Variants in SLC5A4 observed in about 807,000 individuals in gnomAD.
SLC5A4 encodes solute carrier family 5 member 4, also known as probable glucose sensor protein SLC5A4.
SLC5A4 carries 55 observed loss-of-function variants against 70.3 expected under a neutral mutation model. That is an observed-to-expected ratio of 0.78 (90% CI 0.63 to 0.98). The LOEUF (loss-of-function observed/expected upper bound fraction) is 0.98. Among genes scored for constraint, SLC5A4 ranks in the 50% least tolerant of loss-of-function variants. SLC5A4 has a pLI of 0.00. For missense variants in SLC5A4, 735 were observed against 839.2 expected (o/e 0.88, Z 1.53); for synonymous variants, 268 against 305.7 (o/e 0.88, Z 1.29).
chr22:32,293,458 T>C, the SLC5A4 span, among the ~76,000 whole-genome samples: 4 of 152,148 alleles, frequency 2.6e-5, no homozygotes, highest in African/African-American at 9.6e-5. Flanking sequence ...TTTACTGTTA[T>C]TGCAACTGTT....
the SLC5A4 span, among the ~76,000 whole-genome samples, chr22:32,344,721 C>A: frequency 6.6e-6 from 1 of 152,062 alleles, no homozygotes; most frequent in East Asian, 1.9e-4. Flanking sequence ...TTTATGGCAA[C>A]TTTTAGAATG....
chr22:32,341,518 C>G, the SLC5A4 span, among the ~76,000 whole-genome samples: 47 of 152,318 alleles, frequency 3.1e-4, no homozygotes, highest in African/African-American at 1.1e-3. Flanking sequence ...CTCCTCCTCC[C>G]CTGGCTGACC....
At chr22:32,325,169 C>T in the SLC5A4 span, among the ~76,000 whole-genome samples, 134 of 152,376 alleles carry the variant, frequency 8.8e-4, no homozygotes, top group African/African-American at 3.0e-3. Flanking sequence ...CGCACTAGGC[C>T]TTCCAATAAG....
chr22:32,272,092 T>C, the SLC5A4 span: 1 of 654,406 alleles, frequency 1.5e-6, no homozygotes, highest in Non-Finnish European at 2.8e-6. Flanking sequence ...AAGTGGGAGC[T>C]TGTGACCAGC....
the SLC5A4 span, among the ~76,000 whole-genome samples, chr22:32,275,680 A>G: frequency 1.3e-5 from 2 of 152,166 alleles, no homozygotes; most frequent in Non-Finnish European, 2.9e-5. Flanking sequence ...ATAAACATAC[A>G]TGTGCATGTG....
At chr22:32,270,318 C>T in the SLC5A4 span, 2 of 957,212 alleles carry the variant, frequency 2.1e-6, no homozygotes, top group Non-Finnish European at 3.4e-6. Flanking sequence ...TGGTTTGCTC[C>T]AGCCACAGGA....
At chr22:32,280,322 GT>G in the SLC5A4 span, among the ~76,000 whole-genome samples, 2 of 152,234 alleles carry the variant, frequency 1.3e-5, no homozygotes, top group East Asian at 3.9e-4. Flanking sequence ...CAGCCCTCCA[GT>G]TTTTGATCCT....
At chr22:32,270,720 T>C in the SLC5A4 span, 1 of 648,120 alleles carries the variant, frequency 1.5e-6, no homozygotes, top group East Asian at 2.9e-5. Flanking sequence ...ACTTCATCCC[T>C]GTGGGCCTGG....
At position 32,234,955 on chromosome 22, in the gene SLC5A4, T is replaced by C; in HGVS notation, c.803A>G (p.Asp268Gly). 1 of 1,613,964 alleles carries C rather than the reference T, an allele frequency of 6.2e-7. No homozygotes were observed. The highest frequency in any genetic ancestry group is 8.5e-7 in the Non-Finnish European group (1 of 1,179,996). ...PRADSFHIFR[D>G]AVTGDIPWPG... ...CCATGGAATGTCCCCAGTCACAGCATCTCGGAAGATGTGGAAGGAGTCCGC... is the reference window on the plus strand; with the variant it reads ...CCATGGAATGTCCCCAGTCACAGCACCTCGGAAGATGTGGAAGGAGTCCGC... Residue 268 changes from aspartate to glycine, a missense_variant, in exon 8 of 15, where the codon GAT becomes GGT. Transcript: ENST00000266086.
the SLC5A4 span, chr22:32,270,171 G>T: frequency 4.6e-6 from 3 of 651,562 alleles, no homozygotes; most frequent in East Asian, 3.1e-5. Context: ...CGCCCAGTCG[G>T]GCACACAGCT....
the SLC5A4 span, among the ~76,000 whole-genome samples, chr22:32,289,223 T>C: frequency 6.6e-6 from 1 of 152,208 alleles, no homozygotes; most frequent in Non-Finnish European, 1.5e-5. Context: ...AATGATCATA[T>C]ATTTTTCTAT....
intron 7 of SLC5A4, among the ~76,000 whole-genome samples, chr22:32,236,441 G>A (rs547905982): frequency 5.3e-5 from 8 of 151,938 alleles, no homozygotes; most frequent in African/African-American, 1.7e-4. Flanking sequence ...GGTTATGGAT[G>A]TTTTGGATGA....
At chr22:32,303,507 G>T in the SLC5A4 span, among the ~76,000 whole-genome samples, 1 of 152,202 alleles carries the variant, frequency 6.6e-6, no homozygotes, top group East Asian at 1.9e-4. Flanking sequence ...GTGAGCAGAA[G>T]GAGGACTTTG....
the SLC5A4 span, among the ~76,000 whole-genome samples, chr22:32,291,912 A>T: frequency 7.2e-6 from 1 of 139,696 alleles, no homozygotes; most frequent in Non-Finnish European, 1.5e-5. Flanking sequence ...TCATTCTGTC[A>T]CTCAGGCTGG....
chr22:32,325,511 C>T, the SLC5A4 span, among the ~76,000 whole-genome samples: 13 of 152,328 alleles, frequency 8.5e-5, 1 homozygote, highest in African/African-American at 2.6e-4. Flanking sequence ...TGTCGCGGCA[C>T]AAGATGCTCC....
At chr22:32,286,434 GA>G in the SLC5A4 span, among the ~76,000 whole-genome samples, 5 of 152,204 alleles carry the variant, frequency 3.3e-5, no homozygotes, top group African/African-American at 1.2e-4. Flanking sequence ...GACACAAGAT[GA>G]AAGTAGTTGG....
chr22:32,306,546 C>T, the SLC5A4 span, among the ~76,000 whole-genome samples: 1 of 151,994 alleles, frequency 6.6e-6, no homozygotes, highest in South Asian at 2.1e-4. Flanking sequence ...TGTTACACTC[C>T]AGTATTATTA....
At chr22:32,306,514 C>T in the SLC5A4 span, among the ~76,000 whole-genome samples, 52 of 117,470 alleles carry the variant, frequency 4.4e-4, no homozygotes, top group African/African-American at 1.6e-3. Flanking sequence ...AGAGCAACAG[C>T]GGTCAGTGAA....
At chr22:32,327,839 T>C in the SLC5A4 span, among the ~76,000 whole-genome samples, 1 of 152,144 alleles carries the variant, frequency 6.6e-6, no homozygotes, top group Non-Finnish European at 1.5e-5. Flanking sequence ...CCTGCCGGCC[T>C]CCCTGCACAC....
Sources: allele counts gnomAD v4.1 joint callset (sites outside exome capture counted in the v4.1 genomes callset), GRCh38; gene constraint gnomAD v4.1.1; transcripts MANE v1.5; gene names NCBI Gene and HGNC (gene_info 2026-07-23, HGNC 2026-07-21).